Variants in METTL15 observed in about 807,000 individuals in gnomAD.
METTL15 encodes 12S rRNA N(4)-cytidine methyltransferase METTL15.
A neutral mutation model predicts 38.3 loss-of-function variants in METTL15; 34 were observed. That is an observed-to-expected ratio of 0.89 (90% CI 0.68 to 1.18). The LOEUF (loss-of-function observed/expected upper bound fraction) is 1.18, where lower values mean the gene tolerates loss of function less well. METTL15 is among the 50% of genes most tolerant of loss of function. METTL15 has a pLI of 0.00. For missense variants in METTL15, 438 were observed against 498.4 expected (o/e 0.88, Z 1.15); for synonymous variants, 162 against 170.9 (o/e 0.95, Z 0.41).
At chr11:28,371,978 T>C (rs1304452341) in intron 5 of METTL15, among the ~76,000 whole-genome samples, 1 of 152,048 alleles carries the variant, frequency 6.6e-6, no homozygotes, top group South Asian at 2.1e-4. Flanking sequence ...GATGCCTTTT[T>C]TTCTTTCTCT....
In METTL15 at chr11:28,466,105, G is replaced by A. The variant is rs570215494; in HGVS notation, c.*424+41741G>A. Among the ~76,000 whole-genome samples, 4 of 152,196 alleles carry A rather than the reference G, an allele frequency of 2.6e-5. No homozygotes were observed. In the East Asian group the frequency reaches 7.8e-4, roughly 30 times the overall value. On this transcript the variant is annotated intron_variant and NMD_transcript_variant, in intron 6 of 7. Transcript: ENST00000532947. The stretch of plus-strand genomic sequence containing the variant: ...TTAAGGAACTCAAGAATATGAATTT[G>A]GCTGGGTCTCAGGAACAGCCAGGCC...
At chr11:28,292,789 T>G (rs1856570852) in intron 5 of METTL15, among the ~76,000 whole-genome samples, 1 of 152,206 alleles carries the variant, frequency 6.6e-6, no homozygotes. Flanking sequence ...TGGTTTTGAT[T>G]TGCATTTCTC....
chr11:28,436,376 TAAC>T (rs1223072611), intron 6 of METTL15, among the ~76,000 whole-genome samples: 2 of 152,196 alleles, frequency 1.3e-5, no homozygotes, highest in Admixed American at 6.5e-5. Context: ...TGGCTTAAAA[TAAC>T]AACTGTATAT....
intron 4 of METTL15, among the ~76,000 whole-genome samples, chr11:28,259,719 C>T (rs1855122161): frequency 1.3e-5 from 2 of 152,182 alleles, no homozygotes; most frequent in Non-Finnish European, 2.9e-5. Context: ...CATACCACGC[C>T]TCTACTGCAG....
chr11:28,517,442 A>G (rs929002551), intron 6 of METTL15: 2 of 152,104 alleles, frequency 1.3e-5, no homozygotes, highest in African/African-American at 4.8e-5. Flanking sequence ...TGTTTTACCT[A>G]TAAAGAACTA....
At chr11:28,314,504 T>C (rs1857412563) in intron 6 of METTL15, among the ~76,000 whole-genome samples, 1 of 152,190 alleles carries the variant, frequency 6.6e-6, no homozygotes, top group South Asian at 2.1e-4. Flanking sequence ...TAAAGTATTT[T>C]GTAATGGGTC....
chr11:28,391,897 A>C (rs1850512720), intron 5 of METTL15, among the ~76,000 whole-genome samples: 1 of 152,252 alleles, frequency 6.6e-6, no homozygotes, highest in Non-Finnish European at 1.5e-5. Flanking sequence ...TTCAGGACAT[A>C]GACATGGGTA....
At chr11:28,475,539 C>G (rs1397391086) in intron 6 of METTL15, among the ~76,000 whole-genome samples, 1 of 152,136 alleles carries the variant, frequency 6.6e-6, no homozygotes, top group African/African-American at 2.4e-5. Context: ...TTGACACATC[C>G]TGGTACCCTA....
At chr11:28,293,664 G>T (rs887227652) in intron 5 of METTL15, among the ~76,000 whole-genome samples, 37 of 151,200 alleles carry the variant, frequency 2.4e-4, no homozygotes, top group African/African-American at 7.7e-4. Context: ...CCATTTTCAC[G>T]ATATTGATTC....
At chr11:28,399,452 C>G (rs192515741) in intron 5 of METTL15, among the ~76,000 whole-genome samples, 4 of 152,056 alleles carry the variant, frequency 2.6e-5, no homozygotes. Flanking sequence ...CAGAAAACTT[C>G]TATATAAGAC....
chr11:28,233,952 C>A lies in METTL15; in HGVS notation c.407+22754C>A, dbSNP rs1364707853. ...TATATCTCCTAATGCTATCCCTCCC[C>A]CCTCCCCCTACCCCACAACAGTCCC... is the stretch of plus-strand genomic sequence containing the variant. On this transcript the variant is annotated intron_variant, in intron 4 of 6. Transcript: ENST00000407364. Among the ~76,000 whole-genome samples the A allele has an allele frequency of 2.1e-5, 3 of 145,534 alleles. No individual in the cohort carries two copies. In the Admixed American group the frequency reaches 2.1e-4, roughly 10 times the overall value.
At chr11:28,289,862 C>CT (rs1856440502) in intron 4 of METTL15, among the ~76,000 whole-genome samples, 1 of 152,002 alleles carries the variant, frequency 6.6e-6, no homozygotes, top group Non-Finnish European at 1.5e-5. Context: ...ATGACATATG[C>CT]TTTTTTCTCT....
chr11:28,250,091 A>G (rs1240743127), intron 4 of METTL15, among the ~76,000 whole-genome samples: 3 of 152,036 alleles, frequency 2.0e-5, no homozygotes, highest in Admixed American at 6.6e-5. Context: ...TCCTTGGTCT[A>G]TATGTACTGC....
At chr11:28,257,899 C>T (rs1189724527) in intron 4 of METTL15, among the ~76,000 whole-genome samples, 1 of 152,148 alleles carries the variant, frequency 6.6e-6, no homozygotes, top group Non-Finnish European at 1.5e-5. Flanking sequence ...TGCTTTACTT[C>T]ATTTGGTGAG....
chr11:28,334,249 A>G (rs897180159), downstream of METTL15, among the ~76,000 whole-genome samples: 1 of 152,036 alleles, frequency 6.6e-6, no homozygotes, highest in Non-Finnish European at 1.5e-5. Flanking sequence ...ATTATGTTTC[A>G]ATTTATCTCT....
chr11:28,532,048 T>C, the METTL15 span, among the ~76,000 whole-genome samples: 2 of 152,074 alleles, frequency 1.3e-5, no homozygotes, highest in African/African-American at 4.8e-5. Flanking sequence ...TCTAAAACTA[T>C]ATTGTTGCAT....
chr11:28,342,682 T>C (rs538473944), intron 3 of METTL15, among the ~76,000 whole-genome samples: 1 of 152,332 alleles, frequency 6.6e-6, no homozygotes, highest in East Asian at 1.9e-4. Context: ...AGGTTTAGAA[T>C]AGATGACTTT....
chr11:28,368,152 C>CA (rs572862749), intron 5 of METTL15, among the ~76,000 whole-genome samples: 13,696 of 108,428 alleles, frequency 0.13, 1,033 homozygotes, highest in East Asian at 0.38. Flanking sequence ...ACAAAAAAAA[C>CA]AAAAAAAAAA....
At chr11:28,116,664 A>G (rs148196372) in intron 3 of METTL15, among the ~76,000 whole-genome samples, 1 of 152,236 alleles carries the variant, frequency 6.6e-6, no homozygotes, top group African/African-American at 2.4e-5. Flanking sequence ...GCCATCAGTG[A>G]TACGATGTGG....
Sources: allele counts gnomAD v4.1 joint callset (sites outside exome capture counted in the v4.1 genomes callset), GRCh38; gene constraint gnomAD v4.1.1; transcripts MANE v1.5; gene names NCBI Gene and HGNC (gene_info 2026-07-23, HGNC 2026-07-21).